The following CSMD1 variants were observed in gnomAD, a reference collection of about 807,000 sequenced individuals.
CSMD1 encodes the protein CUB and Sushi multiple domains 1.
In CSMD1, 213 loss-of-function variants were observed where a neutral mutation model predicts 417.5. That is an observed-to-expected ratio of 0.51 (90% CI 0.46 to 0.57). CSMD1 has a LOEUF of 0.57. CSMD1 is among the 20% of genes least tolerant of loss of function. The pLI, the probability that CSMD1 is intolerant of heterozygous loss-of-function variation, is 0.00. For missense variants in CSMD1, 6,923 were observed against 4,529.7 expected, an observed-to-expected ratio of 1.53 and a Z score of -15.17; for synonymous variants, 2,862 against 1,736.8, an observed-to-expected ratio of 1.65 and a Z score of -16.11.
In CSMD1 at chr8:4,448,865, A is replaced by T. The variant is rs80254957; in HGVS notation, c.303-28800T>A. 9.4e-3 allele frequency among the ~76,000 whole-genome samples: 1,424 copies of T among 152,296 alleles called. 21 individuals carry two copies. The highest frequency in any genetic ancestry group is 0.032 in the African/African-American group (1,347 of 41,558). On this transcript the variant is annotated intron_variant, in intron 2 of 69. Transcript: ENST00000635120. ...TCTATCTTCTTTCTGATGTGTATCC[A>T]ATTCTCTTATTCACCAAGTAAACAC...
intron 2 of CSMD1, among the ~76,000 whole-genome samples, chr8:4,536,626 G>C (rs961170111): frequency 1.2e-4 from 18 of 152,116 alleles, no homozygotes; most frequent in African/African-American, 4.1e-4. Flanking sequence ...ACTGAGAATA[G>C]GTACAGGTTA....
chr8:3,937,061 A>C (rs529552462), intron 5 of CSMD1, among the ~76,000 whole-genome samples: 1 of 152,214 alleles, frequency 6.6e-6, no homozygotes, highest in Admixed American at 6.6e-5. Flanking sequence ...ACAGCAAGAG[A>C]AACAGAATTA....
intron 2 of CSMD1, among the ~76,000 whole-genome samples, chr8:4,511,370 C>T (rs1389619328): frequency 2.0e-5 from 3 of 152,170 alleles, no homozygotes; most frequent in African/African-American, 7.2e-5. Flanking sequence ...TTCTCCTTCG[C>T]AGGAGAATAC....
intron 2 of CSMD1, among the ~76,000 whole-genome samples, chr8:4,437,597 C>T (rs1219678159): frequency 6.6e-6 from 1 of 152,158 alleles, no homozygotes; most frequent in African/African-American, 2.4e-5. Context: ...GTTTTTATTT[C>T]ATACTCTATC....
chr8:4,781,787 G>A (rs1051950974), intron 1 of CSMD1, among the ~76,000 whole-genome samples: 1 of 152,144 alleles, frequency 6.6e-6, no homozygotes, highest in African/African-American at 2.4e-5. Flanking sequence ...GAGGAATAAT[G>A]ATCATGCAGC....
chr8:4,570,768 G>A (rs115672718), intron 2 of CSMD1, among the ~76,000 whole-genome samples: 1 of 152,106 alleles, frequency 6.6e-6, no homozygotes, highest in Non-Finnish European at 1.5e-5. Flanking sequence ...GAATCTGTCT[G>A]TCCTGGGCTT....
At chr8:4,146,769 A>G (rs1014800157) in intron 3 of CSMD1, among the ~76,000 whole-genome samples, 2 of 148,356 alleles carry the variant, frequency 1.3e-5, no homozygotes, top group African/African-American at 2.6e-5. Flanking sequence ...CCGGCACCAG[A>G]CTCGACTAAT....
At chr8:3,756,151 T>A in intron 5 of CSMD1, among the ~76,000 whole-genome samples, 1 of 151,814 alleles carries the variant, frequency 6.6e-6, no homozygotes, top group East Asian at 1.9e-4. Flanking sequence ...GGTCAGGAGA[T>A]CGAGACCATC....
intron 3 of CSMD1, among the ~76,000 whole-genome samples, chr8:4,308,652 C>A (rs565779008): frequency 3.9e-5 from 6 of 152,274 alleles, no homozygotes; most frequent in African/African-American, 1.2e-4. Context: ...ATTCCAAGAA[C>A]AGTTTATAAG....
chr8:3,201,388 T>A (rs1030711548), intron 32 of CSMD1, among the ~76,000 whole-genome samples: 3 of 152,172 alleles, frequency 2.0e-5, no homozygotes, highest in Non-Finnish European at 4.4e-5. Flanking sequence ...AATATTATAT[T>A]TTCTGCAATC....
chr8:4,024,707 G>C (rs745779933), intron 4 of CSMD1, among the ~76,000 whole-genome samples: 4 of 152,118 alleles, frequency 2.6e-5, no homozygotes, highest in African/African-American at 7.2e-5. Flanking sequence ...CCTTCCTATG[G>C]TGGTTCATTG....
At chr8:4,106,865 T>C (rs1801595451) in intron 3 of CSMD1, among the ~76,000 whole-genome samples, 1 of 152,146 alleles carries the variant, frequency 6.6e-6, no homozygotes, top group African/African-American at 2.4e-5. Flanking sequence ...CTGCCCCGCA[T>C]TTCTTCAACT....
chr8:4,122,739 T>C (rs1306647181), intron 3 of CSMD1, among the ~76,000 whole-genome samples: 3 of 152,188 alleles, frequency 2.0e-5, no homozygotes, highest in East Asian at 1.9e-4. Context: ...AGTAACACTT[T>C]CTGTGAAAGG....
intron 3 of CSMD1, among the ~76,000 whole-genome samples, chr8:4,042,285 A>T (rs2554561): frequency 0.33 from 49,495 of 151,924 alleles, 8,442 homozygotes; most frequent in African/African-American, 0.41. Flanking sequence ...AAGCATCCCT[A>T]CTAGTGGGGG....
chr8:4,175,272 T>C (rs1260130795), intron 3 of CSMD1, among the ~76,000 whole-genome samples: 2 of 152,164 alleles, frequency 1.3e-5, no homozygotes, highest in African/African-American at 4.8e-5. Context: ...TTTAATTATC[T>C]CTGCTGATGG....
intron 7 of CSMD1, among the ~76,000 whole-genome samples, chr8:3,705,963 G>A (rs558573989): frequency 6.6e-6 from 1 of 152,344 alleles, no homozygotes; most frequent in South Asian, 2.1e-4. Context: ...TGGGTATCAA[G>A]AACGTAAAGC....
chr8:4,232,304 T>C (rs369367501), intron 3 of CSMD1, among the ~76,000 whole-genome samples: 4 of 152,162 alleles, frequency 2.6e-5, no homozygotes, highest in African/African-American at 9.7e-5. Context: ...GTTCAAGTAA[T>C]TCTCCTGTCT....
At chr8:3,199,842 C>G (rs946581468) in intron 32 of CSMD1, 33 bp from the exon 33 acceptor site, 9 of 1,367,370 alleles carry the variant, frequency 6.6e-6, no homozygotes, top group Non-Finnish European at 9.2e-6. Context: ...ATTCAGAAAA[C>G]ACACAGCACC....
At chr8:4,032,844 G>T (rs1055107073) in intron 3 of CSMD1, among the ~76,000 whole-genome samples, 1 of 152,074 alleles carries the variant, frequency 6.6e-6, no homozygotes, top group Non-Finnish European at 1.5e-5. Context: ...TCTCAGCCAG[G>T]GTGATTCCAA....
Sources: gnomAD v4.1 joint callset for allele counts (sites outside exome capture counted in the v4.1 genomes callset) on GRCh38, gnomAD v4.1.1 for gene constraint, MANE v1.5 for transcripts, NCBI Gene and HGNC (gene_info 2026-07-23, HGNC 2026-07-21) for gene names.